GRIN2A: variants seen among roughly 807,000 people sequenced by gnomAD.
The protein encoded by GRIN2A is glutamate ionotropic receptor NMDA type subunit 2A.
Under a neutral mutation model 113.4 loss-of-function variants are expected in GRIN2A, and 22 were observed. That is an observed-to-expected ratio of 0.19 (90% CI 0.14 to 0.28). GRIN2A has a LOEUF of 0.28. Among genes scored for constraint, GRIN2A ranks in the 10% least tolerant of loss-of-function variants. The probability of loss-of-function intolerance (pLI) is 1.00; values close to 1 mark genes in which losing one functional copy is unlikely to be tolerated. For synonymous variants in GRIN2A, 827 were observed against 738.4 expected (o/e 1.12, Z -1.94); for missense variants, 1,502 against 1,887.0 (o/e 0.80, Z 3.78).
chr16:10,041,940 T>C (rs1396777404), intron 2 of GRIN2A, among the ~76,000 whole-genome samples: 1 of 152,172 alleles, frequency 6.6e-6, no homozygotes, highest in Admixed American at 6.5e-5. Context: ...TATCGCAATA[T>C]AGTCCCGGTG....
At chr16:10,057,690 G>A (rs954170925) in intron 2 of GRIN2A, among the ~76,000 whole-genome samples, 2 of 152,100 alleles carry the variant, frequency 1.3e-5, no homozygotes, top group African/African-American at 2.4e-5. Flanking sequence ...GAAGTATTGG[G>A]CTTTGGGTAA....
chr16:9,930,980 A>G (rs776759848), intron 3 of GRIN2A, among the ~76,000 whole-genome samples: 6 of 152,236 alleles, frequency 3.9e-5, no homozygotes, highest in Admixed American at 3.3e-4. Flanking sequence ...GCCTGACTTC[A>G]TAACTCAAGA....
chr16:9,927,889 A>G (rs947344394), intron 3 of GRIN2A, among the ~76,000 whole-genome samples: 2 of 152,238 alleles, frequency 1.3e-5, no homozygotes, highest in African/African-American at 4.8e-5. Flanking sequence ...TTTCTATCAC[A>G]TGGAAAACTG....
rs147600951 is a variant in GRIN2A at position 9,970,544 on chromosome 16, C to T, written c.415-31993G>A. On this transcript the variant is annotated intron_variant, in intron 2 of 12. Transcript: ENST00000330684. ...AGGCCTTGAGGATTGTTTAGATTCA[C>T]TTGGCTGCTGGAGGGCCCTAGAAAG... Among the ~76,000 whole-genome samples, 216 of 152,296 alleles carry T rather than the reference C, an allele frequency of 1.4e-3. 3 individuals carry two copies. The highest frequency in any genetic ancestry group is 5.1e-3 in the African/African-American group (211 of 41,566).
chr16:9,997,896 T>A (rs2650424), intron 2 of GRIN2A, among the ~76,000 whole-genome samples: 27,745 of 152,212 alleles, frequency 0.18, 2,882 homozygotes, highest in East Asian at 0.35. Flanking sequence ...ACCATGATTG[T>A]GAGGCCTCCC....
chr16:10,067,322 T>G (rs1046211939), intron 2 of GRIN2A, among the ~76,000 whole-genome samples: 2 of 152,200 alleles, frequency 1.3e-5, no homozygotes, highest in Non-Finnish European at 2.9e-5. Flanking sequence ...GGCTAGGTTT[T>G]TCCAACGGTG....
chr16:9,760,681 G>T lies in GRIN2A; in HGVS notation c.*2468C>A, dbSNP rs375405587. The T allele has an allele frequency of 1.8e-5, 4 of 226,488 alleles. No individual in the cohort carries two copies. Among genetic ancestry groups the T allele is most frequent in the African/African-American group, 8.9e-5 (4 of 44,956 alleles). 14.0% of individuals were successfully genotyped at this position (226,488 alleles called of 1,614,324 possible). Reference sequence around the variant, plus strand: ...AGTATAACTCTCACTCTCCCTGGAGGTCTCTGTGGCATTTGGCAGCCCCCT... The same window carrying T: ...AGTATAACTCTCACTCTCCCTGGAGTTCTCTGTGGCATTTGGCAGCCCCCT... On this transcript the variant is annotated 3_prime_UTR_variant, in exon 13 of 13. Coordinates refer to ENST00000330684, the MANE Select transcript of GRIN2A (RefSeq NM_001134407.3).
intron 2 of GRIN2A, among the ~76,000 whole-genome samples, chr16:10,175,115 G>C (rs1298761643): frequency 5.9e-5 from 9 of 152,200 alleles, no homozygotes; most frequent in Admixed American, 5.9e-4. Context: ...TAGCCTAGGA[G>C]CAAGAGCCTA....
intron 2 of GRIN2A, among the ~76,000 whole-genome samples, chr16:10,028,757 C>A (rs150515826): frequency 6.6e-6 from 1 of 152,256 alleles, no homozygotes; most frequent in East Asian, 1.9e-4. Flanking sequence ...GCTTTGCAGG[C>A]CATGCAGTCT....
chr16:10,150,317 G>A (rs1406775859), intron 2 of GRIN2A, among the ~76,000 whole-genome samples: 1 of 152,144 alleles, frequency 6.6e-6, no homozygotes, highest in Non-Finnish European at 1.5e-5. Flanking sequence ...TCACTATTTG[G>A]TTTCAAATCC....
In GRIN2A at chr16:9,763,005, A is replaced by G. The variant is rs1900654019; in HGVS notation, c.*144T>C. 3.7e-6 allele frequency: 3 copies of G among 802,906 alleles called. No homozygotes were observed. Among genetic ancestry groups the G allele is most frequent in the Non-Finnish European group, 6.0e-6 (3 of 498,578 alleles). 49.7% of individuals were successfully genotyped at this position (802,906 alleles called of 1,614,324 possible). ...AAGATTATGGCATGAAGCCGTGTGC[A>G]AAAGAGCCAACAACAACAACAACAA... On this transcript the variant is annotated 3_prime_UTR_variant, in exon 13 of 13. Transcript: ENST00000330684.
At chr16:10,107,620 T>G (rs2048524256) in intron 2 of GRIN2A, among the ~76,000 whole-genome samples, 1 of 152,160 alleles carries the variant, frequency 6.6e-6, no homozygotes, top group African/African-American at 2.4e-5. Context: ...AAACTGATAT[T>G]CTGCTGGGGT....
chr16:10,158,125 C>A (rs1291465552), intron 2 of GRIN2A, among the ~76,000 whole-genome samples: 2 of 152,148 alleles, frequency 1.3e-5, no homozygotes, highest in African/African-American at 4.8e-5. Context: ...CTACTTCAGC[C>A]TCTCGAGCAG....
intron 2 of GRIN2A, among the ~76,000 whole-genome samples, chr16:10,039,610 G>T (rs986611688): frequency 6.6e-6 from 1 of 151,872 alleles, no homozygotes. Flanking sequence ...GACCGGTGGC[G>T]TTGGGCGCGG....
intron 10 of GRIN2A, among the ~76,000 whole-genome samples, chr16:9,804,083 A>G (rs767731730): frequency 6.6e-6 from 1 of 151,868 alleles, no homozygotes; most frequent in Non-Finnish European, 1.5e-5. Context: ...AACATAGTCT[A>G]CTCCAGTCCA....
chr16:9,920,071 TTC>T (rs1386581711), intron 3 of GRIN2A, among the ~76,000 whole-genome samples: 1 of 152,246 alleles, frequency 6.6e-6, no homozygotes, highest in East Asian at 1.9e-4. Flanking sequence ...TTCATTTATT[TTC>T]TCTCTTCTCA....
rs1458256024 is a variant in GRIN2A at position 10,180,040 on chromosome 16, G to C, written c.372C>G (p.Ile124Met). The C allele has an allele frequency of 6.2e-7, 1 of 1,613,994 alleles. No individual in the cohort carries two copies. Among genetic ancestry groups the C allele is most frequent in the Non-Finnish European group, 8.5e-7 (1 of 1,179,846 alleles). Residue 124 changes from isoleucine to methionine, a missense_variant, in exon 2 of 13, where the codon ATC becomes ATG. Ile to Met is a conservative substitution (Grantham distance 10, BLOSUM62 1). Transcript: ENST00000330684. This position sits in a 1 kb window ranked among gnomAD's most constrained non-coding sequence, Gnocchi z 7.0. ...DFISSHTFVPILGIHGGASMI... is the reference protein window; with the variant it reads ...DFISSHTFVPMLGIHGGASMI... ...TAGATGCGCCCCCATGAATGCCCAAGATGGGGACGAAGGTGTGGGAGGAGA... is the reference window on the plus strand; with the variant it reads ...TAGATGCGCCCCCATGAATGCCCAACATGGGGACGAAGGTGTGGGAGGAGA...
chr16:9,860,000 C>T (rs979055141), intron 4 of GRIN2A, among the ~76,000 whole-genome samples: 1 of 151,660 alleles, frequency 6.6e-6, no homozygotes, highest in Non-Finnish European at 1.5e-5. Context: ...TCTATCCTAT[C>T]CCTAGAGTTT....
chr16:10,085,208 C>A (rs541440630), intron 2 of GRIN2A, among the ~76,000 whole-genome samples: 1 of 152,262 alleles, frequency 6.6e-6, no homozygotes, highest in African/African-American at 2.4e-5. Context: ...GGGTTGCAGC[C>A]TGTAAGCTGA....
Sources: gnomAD v4.1 joint callset for allele counts (sites outside exome capture counted in the v4.1 genomes callset) on GRCh38, gnomAD v4.1.1 for gene constraint, Gnocchi (gnomAD v3.1) non-coding constraint, MANE v1.5 for transcripts, NCBI Gene and HGNC (gene_info 2026-07-23, HGNC 2026-07-21) for gene names.